CAMK1D: variants seen among roughly 807,000 people sequenced by gnomAD.
CAMK1D encodes the protein calcium/calmodulin-dependent protein kinase type 1D.
CAMK1D carries 9 observed loss-of-function variants against 47.7 expected under a neutral mutation model. That is an observed-to-expected ratio of 0.19 (90% confidence interval 0.11 to 0.33). The LOEUF (loss-of-function observed/expected upper bound fraction) is 0.33, where lower values mean the gene tolerates loss of function less well. Ranked by LOEUF, CAMK1D falls within the 10% of genes least tolerant of loss-of-function variation. CAMK1D has a pLI of 1.00. For synonymous variants in CAMK1D, 184 were observed against 184.9 expected (o/e 0.99, Z 0.04); for missense variants, 291 against 488.7 (o/e 0.60, Z 3.81).
chr10:12,634,857 TG>T (rs1335471334), intron 2 of CAMK1D, among the ~76,000 whole-genome samples: 2 of 152,090 alleles, frequency 1.3e-5, no homozygotes, highest in African/African-American at 4.8e-5. Context: ...TTTGAGGTCA[TG>T]ATGGTGGCCG....
At chr10:12,696,393 C>T (rs1047726378) in intron 3 of CAMK1D, among the ~76,000 whole-genome samples, 4 of 152,016 alleles carry the variant, frequency 2.6e-5, no homozygotes, top group Admixed American at 6.6e-5. Flanking sequence ...AACAATTATC[C>T]GGGCATGGTG....
chr10:12,668,125 T>C (rs1412870556), intron 3 of CAMK1D, among the ~76,000 whole-genome samples: 1 of 152,198 alleles, frequency 6.6e-6, no homozygotes, highest in Non-Finnish European at 1.5e-5. Flanking sequence ...TTTGCCGTAT[T>C]TCTGGTTTTT....
chr10:12,683,799 A>G (rs926806698), intron 3 of CAMK1D, among the ~76,000 whole-genome samples: 3 of 151,366 alleles, frequency 2.0e-5, no homozygotes, highest in Non-Finnish European at 4.4e-5. Flanking sequence ...GGACTAATCT[A>G]TAAGTACAAT....
At chr10:12,698,562 G>C (rs946884843) in intron 3 of CAMK1D, among the ~76,000 whole-genome samples, 1 of 151,966 alleles carries the variant, frequency 6.6e-6, no homozygotes, top group South Asian at 2.1e-4. Flanking sequence ...TGTAAGTGCT[G>C]ATAGCAACCA....
chr10:12,654,932 C>T lies in CAMK1D; in HGVS notation c.225-11804C>T, dbSNP rs554664518. The stretch of plus-strand genomic sequence containing the variant: ...TGGAGAAACTATAAAGAACTTGTTA[C>T]GCCTAGGCCACGCCGCAGGCCAATC... On this transcript the variant is annotated intron_variant, in intron 2 of 10. Transcript: ENST00000619168. Among the ~76,000 whole-genome samples the T allele has an allele frequency of 3.9e-5, 6 of 152,282 alleles. 1 individual carries two copies. Among genetic ancestry groups the T allele is most frequent in the East Asian group, 3.9e-4 (2 of 5,188 alleles).
rs531906820 is a variant in CAMK1D at position 12,424,525 on chromosome 10, A to T, written c.92+74615A>T. Among the ~76,000 whole-genome samples the T allele has an allele frequency of 3.9e-5, 6 of 152,064 alleles. No homozygotes were observed. In the South Asian group the frequency reaches 1.2e-3, roughly 32 times the overall value. Reference sequence around the variant, plus strand: ...CTGAGCCCTCACTGCCTCCTCCGTGAATTTCTCCAGCAGCGCCTTTGCTGG... The same window carrying T: ...CTGAGCCCTCACTGCCTCCTCCGTGTATTTCTCCAGCAGCGCCTTTGCTGG... On this transcript the variant is annotated intron_variant, in intron 1 of 10. Transcript: ENST00000619168.
chr10:12,454,580 A>C (rs1833186955), intron 1 of CAMK1D, among the ~76,000 whole-genome samples: 1 of 152,174 alleles, frequency 6.6e-6, no homozygotes, highest in Admixed American at 6.5e-5. Flanking sequence ...CTCCTGCCTC[A>C]GCCTCCCGAG....
chr10:12,773,744 A>G (rs1468755680), intron 5 of CAMK1D, among the ~76,000 whole-genome samples: 1 of 152,154 alleles, frequency 6.6e-6, no homozygotes, highest in Non-Finnish European at 1.5e-5. Context: ...AATACAAAAA[A>G]TTAGCCAGGC....
chr10:12,763,935 C>CCT (rs1044013767), intron 4 of CAMK1D, among the ~76,000 whole-genome samples: 2 of 152,104 alleles, frequency 1.3e-5, no homozygotes, highest in African/African-American at 4.8e-5. Context: ...TGGGCCAGAC[C>CCT]CTCTCCCTGT....
At chr10:12,764,175 G>T (rs1001629995) in intron 4 of CAMK1D, among the ~76,000 whole-genome samples, 11 of 152,184 alleles carry the variant, frequency 7.2e-5, no homozygotes, top group African/African-American at 2.7e-4. Context: ...GAGGTCAGGA[G>T]TTCGAGACCA....
At chr10:12,372,840 A>G (rs1490670363) in intron 1 of CAMK1D, among the ~76,000 whole-genome samples, 1 of 152,074 alleles carries the variant, frequency 6.6e-6, no homozygotes, top group Non-Finnish European at 1.5e-5. Flanking sequence ...TGTCTTTCCC[A>G]GGCTGGTCTT....
At chr10:12,416,084 C>G (rs572606460) in intron 1 of CAMK1D, 3 of 152,010 alleles carry the variant, frequency 2.0e-5, no homozygotes, top group Non-Finnish European at 4.4e-5. Context: ...GTGGGTTAGT[C>G]TTGTGCTACG....
Position 12,660,806 on chromosome 10 carries a change from A to T in CAMK1D, c.225-5930A>T, listed in dbSNP as rs116955980. On this transcript the variant is annotated intron_variant, in intron 2 of 10. Transcript: ENST00000619168. ...ACCTGAAGTTGTTTTCAGTGACATT[A>T]TTATGGCTTTGAATTACGCACATTT... Among the ~76,000 whole-genome samples the T allele has an allele frequency of 2.0e-3, 298 of 152,362 alleles. 9 individuals carry two copies. In the East Asian group the frequency reaches 0.054, roughly 28 times the overall value.
intron 1 of CAMK1D, among the ~76,000 whole-genome samples, chr10:12,367,203 G>A (rs1007916274): frequency 2.6e-5 from 4 of 150,964 alleles, no homozygotes; most frequent in Admixed American, 1.3e-4. Flanking sequence ...CTTCTTAGTT[G>A]CTTCATGACA....
chr10:12,521,937 T>G (rs916994112), intron 1 of CAMK1D, among the ~76,000 whole-genome samples: 10 of 152,018 alleles, frequency 6.6e-5, no homozygotes, highest in Non-Finnish European at 1.3e-4. Context: ...TCTCCCATCC[T>G]TTTAACTGAC....
intron 1 of CAMK1D, among the ~76,000 whole-genome samples, chr10:12,440,185 T>G (rs1340674626): frequency 1.3e-5 from 2 of 152,204 alleles, no homozygotes; most frequent in Non-Finnish European, 2.9e-5. Flanking sequence ...CTGGGATTCA[T>G]TTCCTTGAAA....
intron 1 of CAMK1D, among the ~76,000 whole-genome samples, chr10:12,461,635 G>A (rs992369626): frequency 6.8e-6 from 1 of 147,074 alleles, no homozygotes; most frequent in Non-Finnish European, 1.5e-5. Context: ...GTTGCAGTGA[G>A]CTGAGATCAT....
chr10:12,580,622 A>G (rs1837635352), intron 2 of CAMK1D, among the ~76,000 whole-genome samples: 1 of 152,226 alleles, frequency 6.6e-6, no homozygotes, highest in Admixed American at 6.5e-5. Context: ...GTACCATTTA[A>G]GCCCCACTAG....
intron 3 of CAMK1D, among the ~76,000 whole-genome samples, chr10:12,676,322 T>A (rs1403288789): frequency 6.6e-6 from 1 of 152,188 alleles, no homozygotes; most frequent in Non-Finnish European, 1.5e-5. Flanking sequence ...TGTCACCTGT[T>A]CACTGACATA....
Sources: allele counts gnomAD v4.1 joint callset (sites outside exome capture counted in the v4.1 genomes callset), GRCh38; gene constraint gnomAD v4.1.1; transcripts MANE v1.5; gene names NCBI Gene and HGNC (gene_info 2026-07-23, HGNC 2026-07-21).